Variants in SNX5 observed in about 807,000 individuals in gnomAD.
The protein encoded by SNX5 is sorting nexin-5.
In SNX5, 31 loss-of-function variants were observed where a neutral mutation model predicts 53.9. The ratio of observed to expected loss-of-function variants is 0.58; its 90% confidence interval spans 0.43 to 0.78. The LOEUF (loss-of-function observed/expected upper bound fraction) is 0.78. Among genes scored for constraint, SNX5 ranks in the 30% least tolerant of loss-of-function variants. The pLI is 0.00. For synonymous variants in SNX5, 168 were observed against 171.1 expected (o/e 0.98, Z 0.14); for missense variants, 471 against 478.8 (o/e 0.98, Z 0.15).
intron 11 of SNX5, among the ~76,000 whole-genome samples, chr20:17,945,798 A>G (rs185787407): frequency 1.3e-5 from 2 of 152,314 alleles, no homozygotes; most frequent in Non-Finnish European, 2.9e-5. Flanking sequence ...AATGATTAGA[A>G]ATCTATAAAG....
intron 1 of SNX5, among the ~76,000 whole-genome samples, chr20:17,965,047 G>C (rs538975591): frequency 1.5e-4 from 23 of 152,316 alleles, no homozygotes; most frequent in Admixed American, 3.3e-4. Context: ...TACATGGCAT[G>C]TTATTTCCTT....
intron 8 of SNX5, 115 bp downstream of exon 8, chr20:17,950,017 C>A: frequency 1.2e-6 from 1 of 820,648 alleles, no homozygotes; most frequent in South Asian, 1.7e-5. Context: ...ACTTGTCTTA[C>A]TGAGCTTGTA....
rs1305548346 is a variant in SNX5 at position 17,955,435 on chromosome 20, G to GT, written c.196dup (p.Thr66AsnfsTer5). 1 of 1,614,142 alleles carries GT rather than the reference G, an allele frequency of 6.2e-7. No individual in the cohort carries two copies. The highest frequency in any genetic ancestry group is 8.5e-7 in the Non-Finnish European group (1 of 1,179,978). On this transcript the variant is annotated frameshift_variant, in exon 3 of 13. Coordinates refer to ENST00000377759, the MANE Select transcript of SNX5 (RefSeq NM_014426.4). LOFTEE classifies it high-confidence loss of function. ...CCACACAAAGTCTTCATGTTGCCTT[G>GT]TAACAGAAAACTCTGGGCTCTGAAA...
chr20:17,961,722 G>C (rs2035453653), intron 1 of SNX5: 2 of 985,172 alleles, frequency 2.0e-6, no homozygotes, highest in African/African-American at 3.5e-5. Context: ...CAAACTATCT[G>C]TTCCTAGCCT....
At chr20:17,949,461 C>A (rs2039533617) in intron 8 of SNX5, among the ~76,000 whole-genome samples, 1 of 152,158 alleles carries the variant, frequency 6.6e-6, no homozygotes. Flanking sequence ...ATGGTTCTGC[C>A]ATTAGCCTTT....
At chr20:17,967,948 T>G in intron 1 of SNX5, 2 of 397,480 alleles carry the variant, frequency 5.0e-6, no homozygotes, top group Non-Finnish European at 8.9e-6. Context: ...CCCAAAAAAG[T>G]CTTCTCAGTA....
In SNX5 at chr20:17,948,965, A is replaced by G. The variant is rs531468330; in HGVS notation, c.843T>C (p.Gly281=). 2.5e-6 allele frequency: 4 copies of G among 1,612,560 alleles called. No individual in the cohort carries two copies. The Admixed American group carries it at 6.7e-5, about 27-fold the overall frequency. Residue 281 remains glycine, a synonymous_variant, in exon 10 of 13, where the codon GGT becomes GGC. Coordinates refer to ENST00000377759, the MANE Select transcript of SNX5 (RefSeq NM_014426.4). ...ELFEKLRKVE[G]RVSSDEDLKL... is the part of the protein sequence containing the mutation. Reference sequence around the variant, plus strand: ...TCAAATCTTCATCTGATGAAACTCGACCCTCTACTTTCTATATAGAAAAGG... The same window carrying G: ...TCAAATCTTCATCTGATGAAACTCGGCCCTCTACTTTCTATATAGAAAAGG...
At chr20:17,960,649 C>T (rs921409511) in intron 1 of SNX5, among the ~76,000 whole-genome samples, 11 of 151,766 alleles carry the variant, frequency 7.2e-5, no homozygotes, top group African/African-American at 2.2e-4. Context: ...TGGTGGCGTG[C>T]GCCTGTAATC....
At chr20:17,947,837 A>G (rs771894688) in intron 10 of SNX5, among the ~76,000 whole-genome samples, 192 bp from the exon 11 acceptor site, 2 of 152,234 alleles carry the variant, frequency 1.3e-5, no homozygotes, top group African/African-American at 2.4e-5. Context: ...AGCTTTTTTT[A>G]GAATTCCTTA....
At chr20:17,955,342 A>T (rs776529633) in intron 3 of SNX5, 23 bp downstream of exon 3, 1 of 1,546,660 alleles carries the variant, frequency 6.5e-7, no homozygotes. Context: ...GAACTAGCTT[A>T]TTTGATTTTC....
intron 10 of SNX5, 121 bp downstream of exon 10, chr20:17,948,769 G>A: frequency 1.3e-6 from 1 of 753,866 alleles, no homozygotes; most frequent in South Asian, 1.7e-5. Flanking sequence ...ATGCCAGAAA[G>A]GCATGTCATT....
At chr20:17,956,697 A>C (rs112297522) in intron 2 of SNX5, among the ~76,000 whole-genome samples, 20,816 of 126,452 alleles carry the variant, frequency 0.16, 1,717 homozygotes, top group Non-Finnish European at 0.21. Flanking sequence ...AAAAAAAAAA[A>C]AAAAAAACAA....
chr20:17,952,349 G>A (rs929062043), intron 5 of SNX5, among the ~76,000 whole-genome samples: 1 of 152,178 alleles, frequency 6.6e-6, no homozygotes, highest in African/African-American at 2.4e-5. Flanking sequence ...TTAACTAAGG[G>A]ATGTTTGGGA....
chr20:17,951,857 A>G (rs2039573734), intron 5 of SNX5, among the ~76,000 whole-genome samples: 2 of 152,224 alleles, frequency 1.3e-5, no homozygotes, highest in East Asian at 3.8e-4. Context: ...AATCCTTGGG[A>G]AAATTACTGT....
In SNX5 at chr20:17,968,546, C is replaced by CT. The variant is rs754898957; in HGVS notation, c.-122dup. ...CACGGCCCCGCCTCCGCCGGCCTCC[C>CT]TGCCCGACGGCGGCAGGAGGCCTCC... On this transcript the variant is annotated 5_prime_UTR_variant, in exon 1 of 13. Coordinates refer to ENST00000377759, the MANE Select transcript of SNX5 (RefSeq NM_014426.4). 9.3e-5 allele frequency: 90 copies of CT among 962,622 alleles called. No homozygotes were observed. Among genetic ancestry groups the CT allele is most frequent in the Non-Finnish European group, 1.2e-4 (84 of 682,974 alleles). The allele number at this position is 962,622 out of a possible 1,614,324, so 59.6% of individuals were successfully genotyped here.
chr20:17,961,018 C>T (rs1359802279), intron 1 of SNX5: 4 of 475,464 alleles, frequency 8.4e-6, no homozygotes, highest in Admixed American at 6.4e-5. Context: ...TAAACAAGCA[C>T]GGCTTCATTT....
Position 17,957,018 on chromosome 20 carries a change from T to A in SNX5, c.71A>T (p.Asp24Val), listed in dbSNP as rs771005650. ...CTGAAGCGAGGGATCAACATTCAGG[T>A]CCACAGATACAGATCTCAGCTGAAA... ...DRSKLRSVSV[D>V]LNVDPSLQID... Residue 24 changes from aspartate (D) to valine (V), a missense_variant, in exon 2 of 13, where the codon GAC (aspartate) becomes GTC (valine). By Grantham distance (152) the Asp-to-Val change is radical (BLOSUM62 -3). Coordinates refer to ENST00000377759, the MANE Select transcript of SNX5 (RefSeq NM_014426.4). 1.6e-5 allele frequency: 25 copies of A among 1,599,864 alleles called. No individual in the cohort carries two copies. The East Asian group carries it at 2.5e-4, about 16-fold the overall frequency.
intron 8 of SNX5, 51 bp downstream of exon 8, chr20:17,950,081 C>T: frequency 6.6e-7 from 1 of 1,506,736 alleles, no homozygotes; most frequent in Non-Finnish European, 9.2e-7. Flanking sequence ...AATTACACCA[C>T]TCGGCACTCT....
intron 1 of SNX5, among the ~76,000 whole-genome samples, chr20:17,959,501 A>C (rs753809968): frequency 3.9e-5 from 6 of 152,190 alleles, no homozygotes; most frequent in African/African-American, 7.2e-5. Context: ...ATTTCGCCCT[A>C]GGAAGGGATT....
Sources: allele counts gnomAD v4.1 joint callset (sites outside exome capture counted in the v4.1 genomes callset), GRCh38; gene constraint gnomAD v4.1.1; transcripts MANE v1.5; gene names NCBI Gene and HGNC (gene_info 2026-07-23, HGNC 2026-07-21).